Variants in PALD1 observed in about 807,000 individuals in gnomAD.
PALD1 encodes paladin.
Under a neutral mutation model 96.0 loss-of-function variants are expected in PALD1, and 57 were observed. The ratio of observed to expected loss-of-function variants is 0.59; its 90% CI spans 0.48 to 0.74. The LOEUF (loss-of-function observed/expected upper bound fraction) is 0.74. PALD1 is among the 30% of genes least tolerant of loss of function. PALD1 has a pLI of 0.00. For missense variants in PALD1, 1,063 were observed against 1,143.7 expected (o/e 0.93, Z 1.02); for synonymous variants, 464 against 473.6 (o/e 0.98, Z 0.26).
At chr10:70,479,297 C>T (rs545009144) in intron 1 of PALD1, among the ~76,000 whole-genome samples, 68 of 152,316 alleles carry the variant, frequency 4.5e-4, no homozygotes, top group African/African-American at 1.6e-3. Context: ...CTCCCGAGTT[C>T]CCTGGGTTTG....
At chr10:70,479,534 C>T (rs1203289790) in intron 1 of PALD1, among the ~76,000 whole-genome samples, 1 of 152,142 alleles carries the variant, frequency 6.6e-6, no homozygotes, top group Non-Finnish European at 1.5e-5. Flanking sequence ...CCAGTCTGGC[C>T]CTCTTCCTCT....
chr10:70,465,195 C>T, the PALD1 span, among the ~76,000 whole-genome samples: 1 of 151,608 alleles, frequency 6.6e-6, no homozygotes, highest in African/African-American at 2.4e-5. Flanking sequence ...AGGATGGTCT[C>T]GATCTCCTGA....
In PALD1 at chr10:70,497,412, C is replaced by T. The variant is rs182274426; in HGVS notation, c.-30+18353C>T. Among the ~76,000 whole-genome samples the T allele has an allele frequency of 1.4e-4, 22 of 152,292 alleles. 1 individual carries two copies. The highest frequency in any genetic ancestry group is 7.8e-4 in the Admixed American group (12 of 15,302). ...CCGCCAACTCCCTGACCCGAGGTAG[C>T]GTTTGGGTCATTCCTCAGCGCCACT... On this transcript the variant is annotated intron_variant, in intron 1 of 19. Transcript: ENST00000263563.
At chr10:70,547,062 C>T (rs1847381011) in intron 17 of PALD1, among the ~76,000 whole-genome samples, 1 of 152,280 alleles carries the variant, frequency 6.6e-6, no homozygotes, top group Non-Finnish European at 1.5e-5. Flanking sequence ...TGTACTGATC[C>T]TCAACACAAC....
chr10:70,467,677 C>G, the PALD1 span, among the ~76,000 whole-genome samples: 2 of 152,106 alleles, frequency 1.3e-5, no homozygotes, highest in Non-Finnish European at 2.9e-5. Context: ...TTGCTGTGTG[C>G]CTGAATTTCT....
chr10:70,523,041 C>G (rs928037435), intron 1 of PALD1, among the ~76,000 whole-genome samples: 6 of 152,338 alleles, frequency 3.9e-5, no homozygotes, highest in South Asian at 2.1e-4. Context: ...GGTTGCACCC[C>G]CCTCTAGATA....
chr10:70,487,817 C>A (rs574795604), intron 1 of PALD1, among the ~76,000 whole-genome samples: 8 of 152,370 alleles, frequency 5.3e-5, no homozygotes, highest in African/African-American at 1.9e-4. Flanking sequence ...CAGCCAACTC[C>A]TAGACAAGTC....
intron 6 of PALD1, 100 bp downstream of exon 6, chr10:70,532,881 C>G (rs1004607715): frequency 2.6e-6 from 4 of 1,517,786 alleles, no homozygotes; most frequent in Non-Finnish European, 3.6e-6. Context: ...CGGAGTCCCC[C>G]ACACCCATGT....
chr10:70,536,655 G>T (rs1270028514), intron 10 of PALD1, among the ~76,000 whole-genome samples: 1 of 152,182 alleles, frequency 6.6e-6, no homozygotes, highest in Non-Finnish European at 1.5e-5. Context: ...ATGCTGGGAT[G>T]GCAGAGTTCA....
intron 1 of PALD1, among the ~76,000 whole-genome samples, chr10:70,505,970 G>A (rs10762387): frequency 0.5 from 75,806 of 151,744 alleles, 19,849 homozygotes; most frequent in East Asian, 0.66. Context: ...GTGGTGAACC[G>A]TGATCGTGCC....
chr10:70,502,205 C>G (rs979827819), intron 1 of PALD1, among the ~76,000 whole-genome samples: 2 of 152,192 alleles, frequency 1.3e-5, no homozygotes, highest in African/African-American at 4.8e-5. Context: ...TCTTGCCTGA[C>G]TTCCAACATT....
intron 1 of PALD1, among the ~76,000 whole-genome samples, chr10:70,499,301 CTCTGGCCTGAGTGTGGA>C (rs1310270785): frequency 6.6e-6 from 1 of 152,246 alleles, no homozygotes; most frequent in African/African-American, 2.4e-5. Flanking sequence ...CTTGTCACCT[CTCTGGCCTGAGTGTGGA>C]GCTGATTGGT....
intron 1 of PALD1, among the ~76,000 whole-genome samples, chr10:70,515,037 A>C (rs1024096419): frequency 1.3e-5 from 2 of 152,248 alleles, no homozygotes; most frequent in African/African-American, 4.8e-5. Context: ...TTGCTGTTGA[A>C]GTAGATGGCC....
At chr10:70,534,944 T>C in intron 10 of PALD1, 101 bp downstream of exon 10, 1 of 806,578 alleles carries the variant, frequency 1.2e-6, no homozygotes, top group Non-Finnish European at 2.1e-6. Flanking sequence ...TGACTTTTTC[T>C]GGCTGCTGCG....
intron 18 of PALD1, among the ~76,000 whole-genome samples, chr10:70,563,838 TTGA>T (rs1847787779): frequency 6.6e-6 from 1 of 152,188 alleles, no homozygotes; most frequent in African/African-American, 2.4e-5. Flanking sequence ...GAATGTAGCC[TTGA>T]TGACCCCTGC....
chr10:70,506,974 T>C (rs1336717927), intron 1 of PALD1, among the ~76,000 whole-genome samples: 2 of 152,180 alleles, frequency 1.3e-5, no homozygotes, highest in Non-Finnish European at 2.9e-5. Flanking sequence ...ACTTATGGAC[T>C]GTATGTTGTA....
At chr10:70,499,898 G>A (rs1846262721) in intron 1 of PALD1, among the ~76,000 whole-genome samples, 1 of 152,240 alleles carries the variant, frequency 6.6e-6, no homozygotes, top group Non-Finnish European at 1.5e-5. Context: ...GCCACAATCT[G>A]TAGCTGCAGG....
intron 17 of PALD1, among the ~76,000 whole-genome samples, chr10:70,543,405 T>C (rs1847294128): frequency 6.6e-6 from 1 of 152,226 alleles, no homozygotes; most frequent in Non-Finnish European, 1.5e-5. Context: ...GTCTGTTTTT[T>C]CTTTTGTTGC....
chr10:70,541,352 G>A (rs1847242143), intron 16 of PALD1, 110 bp downstream of exon 16: 2 of 1,521,864 alleles, frequency 1.3e-6, no homozygotes, highest in Non-Finnish European at 9.0e-7. Flanking sequence ...AGACAGCCGG[G>A]TGTGGTCCCA....
Sources: gnomAD v4.1 joint callset for allele counts (sites outside exome capture counted in the v4.1 genomes callset) on GRCh38, gnomAD v4.1.1 for gene constraint, MANE v1.5 for transcripts, NCBI Gene and HGNC (gene_info 2026-07-23, HGNC 2026-07-21) for gene names.